ZEB2: variants seen among roughly 807,000 people sequenced by gnomAD.
The protein encoded by ZEB2 is zinc finger E-box binding homeobox 2, also known as zinc finger E-box-binding homeobox 2.
A neutral mutation model predicts 99.9 loss-of-function variants in ZEB2; 6 were observed. The ratio of observed to expected loss-of-function variants is 0.06; its 90% CI spans 0.03 to 0.12. The LOEUF (loss-of-function observed/expected upper bound fraction) is 0.12, where lower values mean the gene tolerates loss of function less well. Ranked by LOEUF, ZEB2 falls within the 10% of genes least tolerant of loss-of-function variation. ZEB2 has a pLI of 1.00. For missense variants in ZEB2, 969 were observed against 1,502.8 expected (o/e 0.64, Z 5.87); for synonymous variants, 517 against 542.5 (o/e 0.95, Z 0.65).
At chr2:144,443,463 T>A (rs1159042338) in intron 2 of ZEB2, among the ~76,000 whole-genome samples, 1 of 152,194 alleles carries the variant, frequency 6.6e-6, no homozygotes, top group Non-Finnish European at 1.5e-5. Context: ...ACTGTAAATT[T>A]ATTATACTTC....
At chr2:144,444,463 C>A (rs1180092084) in intron 2 of ZEB2, among the ~76,000 whole-genome samples, 1 of 152,204 alleles carries the variant, frequency 6.6e-6, no homozygotes, top group Admixed American at 6.5e-5. Context: ...GGACTGCTGA[C>A]TGTCATAAAA....
At chr2:144,479,814 C>T (rs957284882) in intron 2 of ZEB2, among the ~76,000 whole-genome samples, 5 of 152,160 alleles carry the variant, frequency 3.3e-5, no homozygotes, top group Admixed American at 2.0e-4. Flanking sequence ...TTTTCCCACG[C>T]TAACCCCAGG....
chr2:144,429,840 T>C lies in ZEB2; in HGVS notation c.260A>G (p.Glu87Gly). The C allele has an allele frequency of 6.2e-7, 1 of 1,613,818 alleles. No homozygotes were observed. Among genetic ancestry groups the C allele is most frequent in the Non-Finnish European group, 8.5e-7 (1 of 1,179,856 alleles). The change falls in exon 3 of 10, where the codon GAA (glutamate) becomes GGA (glycine). Residue 87 changes from glutamate (E) to glycine (G), a missense_variant. This residue lies in a region of ZEB2 where 173 missense variants were observed against 217.7 expected (regional missense o/e 0.79). Transcript: ENST00000627532. ...GTGTTCCACTCCACCCTCCCTTATT[T>C]CATCTTCCTCTTCCTCTCTTGGCAA... ...ALLPREEEEDEIREGGVEHPW... is the reference protein window; with the variant it reads ...ALLPREEEEDGIREGGVEHPW...
intron 2 of ZEB2, among the ~76,000 whole-genome samples, chr2:144,469,639 T>C (rs757864352): frequency 9.9e-5 from 15 of 152,192 alleles, no homozygotes; most frequent in Non-Finnish European, 1.8e-4. Flanking sequence ...TGGGCTGTTA[T>C]TTATATGCTG....
chr2:144,404,537 C>CT (rs1225127691), intron 5 of ZEB2, among the ~76,000 whole-genome samples: 3 of 151,916 alleles, frequency 2.0e-5, no homozygotes, highest in Admixed American at 6.5e-5. Flanking sequence ...TCGGTCTCAA[C>CT]TTTTTTTTCC....
intron 3 of ZEB2, chr2:144,429,530 T>C: frequency 1.7e-6 from 1 of 582,710 alleles, no homozygotes; most frequent in Non-Finnish European, 3.0e-6. Context: ...GAAAGTGTGG[T>C]TCATGTTTGA....
At chr2:144,440,503 ATATATATATATATTTTTTTTT>A (rs1206863363) in intron 2 of ZEB2, among the ~76,000 whole-genome samples, 7 of 39,076 alleles carry the variant, frequency 1.8e-4, no homozygotes, top group African/African-American at 7.6e-4. Context: ...ATATATATAT[ATATATATATATATTTTTTTTT>A]TTTTTTTTTT....
intron 2 of ZEB2, chr2:144,516,216 T>TCCCC (rs1401095568): frequency 4.8e-5 from 5 of 103,856 alleles, no homozygotes; most frequent in Non-Finnish European, 7.7e-5. Flanking sequence ...CTCCGTCAGC[T>TCCCC]CCCCCACCCC....
chr2:144,394,156 G>A (rs914652872), intron 9 of ZEB2, among the ~76,000 whole-genome samples: 1 of 152,156 alleles, frequency 6.6e-6, no homozygotes, highest in African/African-American at 2.4e-5. Flanking sequence ...CCCGCTCTCA[G>A]GTGATCCACC....
intron 2 of ZEB2, among the ~76,000 whole-genome samples, chr2:144,490,387 T>C (rs1704660405): frequency 6.6e-6 from 1 of 152,210 alleles, no homozygotes; most frequent in African/African-American, 2.4e-5. Flanking sequence ...TCATTATTAT[T>C]TGGATCCTCA....
In ZEB2 at chr2:144,399,805, T is replaced by C; in HGVS notation, c.1382A>G (p.Gln461Arg). The change falls in exon 8 of 10, where the codon CAA (glutamine) becomes CGA (arginine). Residue 461 changes from glutamine (Q) to arginine (R), a missense_variant. Transcript: ENST00000627532. The surrounding 1 kb of genome is among the most constrained non-coding windows in gnomAD (Gnocchi z 5.6). ...ATTGTCCACAATCTGTAGAACCTTT[T>C]GTACCTCACTTAAATTACTATTCAT... ...PTMNSNLSEVQKVLQIVDNTV... is the reference protein window; with the variant it reads ...PTMNSNLSEVRKVLQIVDNTV... 6.2e-7 allele frequency: 1 copy of C among 1,614,200 alleles called. No homozygotes were observed. Among genetic ancestry groups the C allele is most frequent in the East Asian group, 2.2e-5 (1 of 44,880 alleles).
chr2:144,401,428 T>G (rs1703308974), intron 6 of ZEB2, 121 bp from the exon 7 acceptor site: 1 of 859,928 alleles, frequency 1.2e-6, no homozygotes, highest in Admixed American at 1.9e-5. Context: ...GCATGCTTAT[T>G]TATCTGCTCA....
chr2:144,519,846 C>G (rs1705236791), intron 1 of ZEB2, 93 bp downstream of exon 1: 1 of 372,568 alleles, frequency 2.7e-6, no homozygotes, highest in African/African-American at 2.1e-5. Flanking sequence ...ACTCACATCC[C>G]CACTCAAAAT....
At chr2:144,404,813 C>A in intron 5 of ZEB2, 23 bp downstream of exon 5, 1 of 1,611,816 alleles carries the variant, frequency 6.2e-7, no homozygotes, top group Non-Finnish European at 8.5e-7. Context: ...AGTGCAGTGG[C>A]TAAAAATGAT....
rs1257501337 is a variant in ZEB2, at chr2:144,385,107, A to C, written c.*4344T>G. On this transcript the variant is annotated 3_prime_UTR_variant, in exon 10 of 10. Coordinates refer to ENST00000627532, the MANE Select transcript of ZEB2 (RefSeq NM_014795.4). ...TGTAGGAATGTTTTGTTGCATGTAT[A>C]AAATTTTTCAGAATTTATAGGAGTG... 2 of 152,176 alleles carry C rather than the reference A, an allele frequency of 1.3e-5. No homozygotes were observed. Among genetic ancestry groups the C allele is most frequent in the African/African-American group, 4.8e-5 (2 of 41,460 alleles). 9.4% of individuals were successfully genotyped at this position (152,176 alleles called of 1,614,324 possible). A position where few individuals can be genotyped will look rare whatever the true frequency, so the allele number is the denominator to read the frequency against.
Position 144,520,082 on chromosome 2 carries a change from G to T in ZEB2, c.-213C>A. 1 of 454,538 alleles carries T rather than the reference G, an allele frequency of 2.2e-6. No homozygotes were observed. Among genetic ancestry groups the T allele is most frequent in the Non-Finnish European group, 4.4e-6 (1 of 226,792 alleles). The allele number at this position is 454,538 out of a possible 1,614,324, so 28.2% of individuals were successfully genotyped here. A position where few individuals can be genotyped will look rare whatever the true frequency, so the allele number is the denominator to read the frequency against. ...ACAAAAACCTCGCCAAGAGTGTCGG[G>T]AGGCAGGACCGTTATTCCTGCAGAG... On this transcript the variant is annotated 5_prime_UTR_variant, in exon 1 of 10. Coordinates refer to ENST00000627532, the MANE Select transcript of ZEB2 (RefSeq NM_014795.4).
chr2:144,450,893 G>T (rs563131390), intron 2 of ZEB2, among the ~76,000 whole-genome samples: 1 of 152,280 alleles, frequency 6.6e-6, no homozygotes, highest in African/African-American at 2.4e-5. Context: ...GGCCAGGCTG[G>T]TCTCAAACTC....
intron 7 of ZEB2, among the ~76,000 whole-genome samples, chr2:144,400,522 T>C (rs934075853): frequency 2.0e-5 from 3 of 152,252 alleles, no homozygotes; most frequent in African/African-American, 4.8e-5. Flanking sequence ...ATCCCAAATC[T>C]TGTCTGCCAT....
Position 144,388,921 on chromosome 2 carries a change from G to A in ZEB2, c.*530C>T. 2.2e-6 allele frequency: 1 copy of A among 448,026 alleles called. No individual in the cohort carries two copies. Among genetic ancestry groups the A allele is most frequent in the Non-Finnish European group, 4.5e-6 (1 of 223,344 alleles). 27.8% of individuals were successfully genotyped at this position (448,026 alleles called of 1,614,324 possible). A position where few individuals can be genotyped will look rare whatever the true frequency, so the allele number is the denominator to read the frequency against. On this transcript the variant is annotated 3_prime_UTR_variant, in exon 10 of 10. Transcript: ENST00000627532. This position sits in a 1 kb window ranked among gnomAD's most constrained non-coding sequence, Gnocchi z 5.4. ...AAAAAAAATTGAGGCCTAAAATTGT[G>A]TGGTTACTTAAGCTGAAAAAAAAAA... is the stretch of plus-strand genomic sequence containing the variant.
Sources: allele counts gnomAD v4.1 joint callset (sites outside exome capture counted in the v4.1 genomes callset), GRCh38; gene constraint gnomAD v4.1.1; regional missense constraint gnomAD v4.1.1; non-coding constraint Gnocchi (gnomAD v3.1); transcripts MANE v1.5; gene names NCBI Gene and HGNC (gene_info 2026-07-23, HGNC 2026-07-21).